The following PCDHGB2 variants were observed in gnomAD, a reference collection of about 807,000 sequenced individuals.
The protein encoded by PCDHGB2 is protocadherin gamma-B2.
Under a neutral mutation model 59.3 loss-of-function variants are expected in PCDHGB2, and 55 were observed. That is an observed-to-expected ratio of 0.93 (90% confidence interval 0.75 to 1.16). PCDHGB2 has a LOEUF of 1.16. Among genes scored for constraint, PCDHGB2 ranks in the 50% most tolerant of loss-of-function variants. PCDHGB2 has a pLI of 0.00. For missense variants in PCDHGB2, 1,228 were observed against 1,198.5 expected (o/e 1.02, Z -0.36); for synonymous variants, 516 against 512.0 (o/e 1.01, Z -0.11).
intron 1 of PCDHGB2, among the ~76,000 whole-genome samples, chr5:141,430,159 A>G (rs1324343997): frequency 6.6e-6 from 1 of 152,176 alleles, no homozygotes; most frequent in Non-Finnish European, 1.5e-5. Context: ...CAAGGAATCT[A>G]TTTAAAAATA....
intron 1 of PCDHGB2, among the ~76,000 whole-genome samples, chr5:141,438,585 TACATAC>T (rs201018754): frequency 0.16 from 9,805 of 59,734 alleles, 612 homozygotes; most frequent in African/African-American, 0.28. Context: ...CATACATACA[TACATAC>T]ATATATATAT....
chr5:141,489,288 G>A lies in PCDHGB2; in HGVS notation c.2422-5519G>A. 6.3e-7 allele frequency: 1 copy of A among 1,575,870 alleles called. No homozygotes were observed. Among genetic ancestry groups the A allele is most frequent in the Non-Finnish European group, 8.6e-7 (1 of 1,161,152 alleles). On this transcript the variant is annotated intron_variant, in intron 1 of 3. Coordinates refer to ENST00000522605, the MANE Select transcript of PCDHGB2 (RefSeq NM_018923.3). The surrounding 1 kb of genome is among the most constrained non-coding windows in gnomAD (Gnocchi z 4.5). ...AGCTCGCTGGGAAATGGCAAGTGCT[G>A]TGCATGTTGTCCTTGTGCTGCTGGG...
At chr5:141,395,138 C>A (rs147992300) in intron 1 of PCDHGB2, 1 of 1,614,204 alleles carries the variant, frequency 6.2e-7, no homozygotes, top group African/African-American at 1.3e-5. Flanking sequence ...AGCCCAACTA[C>A]GCAGACATGC....
chr5:141,368,540 AT>A (rs34785174), intron 1 of PCDHGB2, among the ~76,000 whole-genome samples: 1 of 152,116 alleles, frequency 6.6e-6, no homozygotes, highest in Middle Eastern at 3.4e-3. Context: ...TTGCTTTTCC[AT>A]TTTTTTTAAA....
At chr5:141,422,280 C>G (rs748287385) in intron 1 of PCDHGB2, 9 of 1,557,754 alleles carry the variant, frequency 5.8e-6, no homozygotes, top group Non-Finnish European at 7.8e-6. Flanking sequence ...TAACTATCAC[C>G]TCTTCTATTA....
chr5:141,510,959 G>A lies in PCDHGB2; in HGVS notation c.2582G>A (p.Gly861Glu). 6.2e-7 allele frequency: 1 copy of A among 1,614,110 alleles called. No individual in the cohort carries two copies. Among genetic ancestry groups the A allele is most frequent in the Non-Finnish European group, 8.5e-7 (1 of 1,180,012 alleles). Residue 861 changes from glycine to glutamate, a missense_variant, in exon 4 of 4, where the codon GGG becomes GAG. Coordinates refer to ENST00000522605, the MANE Select transcript of PCDHGB2 (RefSeq NM_018923.3). ...TCTGTCTCTGCAGAAGCTGCTGATG[G>A]GAGCTCCACCCTGGGAGGGGGTGCC... ...ILASASEAADGSSTLGGGAGT... is the reference protein window; with the variant it reads ...ILASASEAADESSTLGGGAGT...
At chr5:141,371,831 C>G (rs374832321) in intron 1 of PCDHGB2, 7 of 1,613,652 alleles carry the variant, frequency 4.3e-6, no homozygotes, top group Non-Finnish European at 5.1e-6. Flanking sequence ...CCTCGGATCC[C>G]GACTTGGGAC....
rs1452737362 is a variant in PCDHGB2, at chr5:141,432,324, A to G, written c.2422-62483A>G. On this transcript the variant is annotated intron_variant, in intron 1 of 3. Transcript: ENST00000522605. The surrounding 1 kb of genome is among the most constrained non-coding windows in gnomAD (Gnocchi z 6.0). ...CTGTATGCGCTGAGCTCCTTCGACTACGAGCAGTTCCGAGACTTGCAAGTG... is the reference window on the plus strand; with the variant it reads ...CTGTATGCGCTGAGCTCCTTCGACTGCGAGCAGTTCCGAGACTTGCAAGTG... 3 of 1,614,058 alleles carry G rather than the reference A, an allele frequency of 1.9e-6. No homozygotes were observed. The highest frequency in any genetic ancestry group is 2.7e-5 in the African/African-American group (2 of 74,910).
intron 1 of PCDHGB2, chr5:141,398,034 A>G: frequency 6.8e-7 from 1 of 1,475,238 alleles, no homozygotes; most frequent in South Asian, 1.4e-5. Context: ...AACTGGAACT[A>G]AAGCCCGTTC....
At chr5:141,417,626 T>A (rs1156653216) in intron 1 of PCDHGB2, 3 of 689,458 alleles carry the variant, frequency 4.4e-6, no homozygotes, top group Non-Finnish European at 6.8e-6. Context: ...GAGCAAGCGC[T>A]GACGCCGGGG....
chr5:141,385,067 G>A (rs963028251), intron 1 of PCDHGB2: 3 of 1,614,158 alleles, frequency 1.9e-6, no homozygotes, highest in Non-Finnish European at 2.5e-6. Flanking sequence ...CACAAGTCAC[G>A]CCTGCTGCAG....
intron 1 of PCDHGB2, chr5:141,383,497 C>A: frequency 6.2e-7 from 1 of 1,612,952 alleles, no homozygotes; most frequent in East Asian, 2.2e-5. Flanking sequence ...GGAGCGGGTG[C>A]TGGACCGGGA....
At chr5:141,461,291 C>A (rs892436619) in intron 1 of PCDHGB2, among the ~76,000 whole-genome samples, 1 of 152,128 alleles carries the variant, frequency 6.6e-6, no homozygotes, top group African/African-American at 2.4e-5. Flanking sequence ...CACATCCACA[C>A]CAACATCTAT....
chr5:141,370,739 C>CT (rs772637726), intron 1 of PCDHGB2: 1 of 1,613,910 alleles, frequency 6.2e-7, no homozygotes, highest in Non-Finnish European at 8.5e-7. Flanking sequence ...AGCCTTTAAA[C>CT]TTTTTTCATG....
At chr5:141,479,241 G>A (rs2099490987) in intron 1 of PCDHGB2, 1 of 152,174 alleles carries the variant, frequency 6.6e-6, no homozygotes, top group Non-Finnish European at 1.5e-5. Context: ...CAAACCCAAA[G>A]ATAACCATTT....
chr5:141,383,513 A>T, intron 1 of PCDHGB2: 1 of 1,612,722 alleles, frequency 6.2e-7, no homozygotes, highest in South Asian at 1.1e-5. Flanking sequence ...CGGGAGGAAG[A>T]GCGGGTTCAC....
At chr5:141,375,234 G>C (rs371683670) in intron 1 of PCDHGB2, 16 of 1,613,840 alleles carry the variant, frequency 9.9e-6, no homozygotes, top group African/African-American at 1.3e-5. Context: ...CTGGTAACCT[G>C]TTCCATCCCG....
At chr5:141,375,992 G>C in intron 1 of PCDHGB2, 5 of 1,613,446 alleles carry the variant, frequency 3.1e-6, no homozygotes, top group Non-Finnish European at 4.2e-6. Context: ...GGACAGAGAC[G>C]CGCTCAAGCA....
intron 1 of PCDHGB2, among the ~76,000 whole-genome samples, chr5:141,381,820 C>CTTTCTTTCTTTCT (rs1279410534): frequency 1.7e-3 from 198 of 119,790 alleles, no homozygotes; most frequent in African/African-American, 6.6e-3. Context: ...TTCTTTCTTT[C>CTTTCTTTCTTTCT]TTCTTCTTTT....
Sources: gnomAD v4.1 joint callset for allele counts (sites outside exome capture counted in the v4.1 genomes callset) on GRCh38, gnomAD v4.1.1 for gene constraint, Gnocchi (gnomAD v3.1) non-coding constraint, MANE v1.5 for transcripts, NCBI Gene and HGNC (gene_info 2026-07-23, HGNC 2026-07-21) for gene names.